The following SUMF1 variants were observed in gnomAD, a reference collection of about 807,000 sequenced individuals.
The protein encoded by SUMF1 is formylglycine-generating enzyme.
In SUMF1, 48 loss-of-function variants were observed where a neutral mutation model predicts 47.6. The ratio of observed to expected loss-of-function variants is 1.01; its 90% CI spans 0.80 to 1.28. SUMF1 has a LOEUF of 1.28. Among genes scored for constraint, SUMF1 ranks in the 50% most tolerant of loss-of-function variants. SUMF1 has a pLI of 0.00. For synonymous variants in SUMF1, 230 were observed against 192.1 expected (o/e 1.20, Z -1.63); for missense variants, 571 against 485.4 (o/e 1.18, Z -1.66).
At chr3:4,265,054 T>C (rs1304854792) in intron 8 of SUMF1, among the ~76,000 whole-genome samples, 1 of 149,768 alleles carries the variant, frequency 6.7e-6, no homozygotes, top group Non-Finnish European at 1.5e-5. Flanking sequence ...GGAGAATCGC[T>C]TGAACCCGGG....
intron 8 of SUMF1, among the ~76,000 whole-genome samples, chr3:4,227,718 T>A (rs934344606): frequency 6.6e-6 from 1 of 152,034 alleles, no homozygotes; most frequent in African/African-American, 2.4e-5. Context: ...AGAACAACAG[T>A]GAGCCATGGA....
intron 8 of SUMF1, among the ~76,000 whole-genome samples, chr3:4,250,908 A>T (rs1483726909): frequency 2.6e-5 from 4 of 152,212 alleles, no homozygotes; most frequent in Non-Finnish European, 4.4e-5. Context: ...TGGAGCTTAT[A>T]AACAAGGAGA....
At chr3:4,458,122 AG>A (rs2079714485) in intron 1 of SUMF1, among the ~76,000 whole-genome samples, 2 of 152,218 alleles carry the variant, frequency 1.3e-5, no homozygotes, top group Non-Finnish European at 2.9e-5. Context: ...AACAGATATA[AG>A]AAAAAATGCT....
rs373289032 is a variant in SUMF1, at chr3:4,093,576, A to C, written c.1015-24831T>G. ...ACACTAAACAAAAAAAAAGTTTTCT[A>C]GATAGAATATTACATGCAAAGATAC... On this transcript the variant is annotated intron_variant and NMD_transcript_variant, in intron 8 of 12. Transcript: ENST00000448413. 7.2e-4 allele frequency among the ~76,000 whole-genome samples: 109 copies of C among 152,276 alleles called. 2 individuals are homozygous for C. Among genetic ancestry groups the C allele is most frequent in the African/African-American group, 2.4e-3 (101 of 41,546 alleles).
intron 8 of SUMF1, among the ~76,000 whole-genome samples, chr3:4,240,689 C>T (rs535195639): frequency 6.6e-6 from 1 of 151,902 alleles, no homozygotes; most frequent in South Asian, 2.1e-4. Flanking sequence ...GTATATTATA[C>T]CCATTTCATA....
chr3:4,165,560 T>TA (rs1694680503), intron 8 of SUMF1, among the ~76,000 whole-genome samples: 1 of 152,098 alleles, frequency 6.6e-6, no homozygotes, highest in Non-Finnish European at 1.5e-5. Flanking sequence ...GTGGATTATC[T>TA]TTCAATGAAA....
At chr3:4,099,471 A>G (rs1042693686) in intron 8 of SUMF1, among the ~76,000 whole-genome samples, 6 of 152,136 alleles carry the variant, frequency 3.9e-5, no homozygotes, top group Admixed American at 3.3e-4. Flanking sequence ...CAACACAATA[A>G]AGGCTATATA....
At chr3:4,366,330 C>G (rs1358294848) in intron 8 of SUMF1, among the ~76,000 whole-genome samples, 15 of 152,218 alleles carry the variant, frequency 9.9e-5, no homozygotes. Context: ...TGGTTCCATT[C>G]TCCCCGTCAC....
intron 8 of SUMF1, among the ~76,000 whole-genome samples, chr3:4,192,811 A>T (rs1395936929): frequency 2.0e-5 from 3 of 152,132 alleles, no homozygotes; most frequent in African/African-American, 7.2e-5. Flanking sequence ...ATGCCTTTGT[A>T]ATGAAACTCC....
At chr3:4,410,491 A>G (rs2125008755) in intron 7 of SUMF1, among the ~76,000 whole-genome samples, 1 of 152,332 alleles carries the variant, frequency 6.6e-6, no homozygotes, top group South Asian at 2.1e-4. Flanking sequence ...AGGCAACTAG[A>G]GGCATGATAA....
intron 8 of SUMF1, among the ~76,000 whole-genome samples, chr3:4,221,418 T>G (rs1439840255): frequency 1.9e-4 from 4 of 21,284 alleles, no homozygotes; most frequent in East Asian, 7.9e-4. Flanking sequence ...TTTTGGGGTG[T>G]GTGTGTGTGT....
intron 8 of SUMF1, among the ~76,000 whole-genome samples, chr3:4,289,021 T>G (rs1294934265): frequency 1.3e-5 from 2 of 152,222 alleles, no homozygotes; most frequent in Non-Finnish European, 2.9e-5. Context: ...ACACAACCTT[T>G]TCTGCTACAG....
intron 8 of SUMF1, among the ~76,000 whole-genome samples, chr3:4,372,360 C>A (rs905449657): frequency 6.6e-6 from 1 of 152,150 alleles, no homozygotes; most frequent in African/African-American, 2.4e-5. Flanking sequence ...AAAAATAAGT[C>A]ATCATCTAAA....
intron 8 of SUMF1, among the ~76,000 whole-genome samples, chr3:4,107,559 G>C (rs7647964): frequency 6.6e-6 from 1 of 152,174 alleles, no homozygotes; most frequent in South Asian, 2.1e-4. Context: ...GACTCTCTTC[G>C]TTGTAATCCC....
In SUMF1 at chr3:4,362,041, C is replaced by A. The variant is rs1699776024; in HGVS notation, c.*103G>T. 2 of 1,162,564 alleles carry A rather than the reference C, an allele frequency of 1.7e-6. No homozygotes were observed. Among genetic ancestry groups the A allele is most frequent in the Non-Finnish European group, 2.5e-6 (2 of 789,324 alleles). 72.0% of individuals were successfully genotyped at this position (1,162,564 alleles called of 1,614,324 possible). ...CATTGGGCAGGTATGTAACCCACCT[C>A]AGGGTGGGAATTCTTTGCATGGGAT... On this transcript the variant is annotated 3_prime_UTR_variant, in exon 9 of 9. Transcript: ENST00000272902.
chr3:4,302,995 T>C (rs1261395376), intron 8 of SUMF1, among the ~76,000 whole-genome samples: 1 of 152,154 alleles, frequency 6.6e-6, no homozygotes, highest in Non-Finnish European at 1.5e-5. Context: ...TTTAGAAACC[T>C]TGGTGTGCGT....
chr3:4,301,285 CAACAG>C (rs1230181161), intron 8 of SUMF1, among the ~76,000 whole-genome samples: 1 of 152,080 alleles, frequency 6.6e-6, no homozygotes, highest in Non-Finnish European at 1.5e-5. Context: ...GAGGGAATGT[CAACAG>C]AACAAGGGGT....
At chr3:4,462,368 AC>A (rs1185780273) in intron 1 of SUMF1, among the ~76,000 whole-genome samples, 1 of 152,152 alleles carries the variant, frequency 6.6e-6, no homozygotes, top group African/African-American at 2.4e-5. Context: ...ACATTACCTG[AC>A]AATGGAGCCG....
intron 8 of SUMF1, among the ~76,000 whole-genome samples, chr3:4,282,407 C>T (rs1313932503): frequency 6.6e-6 from 1 of 152,188 alleles, no homozygotes; most frequent in Admixed American, 6.5e-5. Flanking sequence ...TAATACACTG[C>T]TCTTCTTAAT....
Sources: gnomAD v4.1 joint callset for allele counts (sites outside exome capture counted in the v4.1 genomes callset) on GRCh38, gnomAD v4.1.1 for gene constraint, MANE v1.5 for transcripts, NCBI Gene and HGNC (gene_info 2026-07-23, HGNC 2026-07-21) for gene names.